The following GABRG3 variants were observed in gnomAD, a reference collection of about 807,000 sequenced individuals.
GABRG3 encodes gamma-aminobutyric acid receptor subunit gamma-3.
In GABRG3, 25 loss-of-function variants were observed where a neutral mutation model predicts 48.8. The observed-to-expected ratio is 0.51, with a 90% CI of 0.37 to 0.72. GABRG3 has a LOEUF of 0.72. Ranked by LOEUF, GABRG3 falls within the 30% of genes least tolerant of loss-of-function variation. The pLI, the probability that GABRG3 is intolerant of heterozygous loss-of-function variation, is 0.00. For synonymous variants in GABRG3, 227 were observed against 217.6 expected, an observed-to-expected ratio of 1.04 and a Z score of -0.38; for missense variants, 394 against 577.9, an observed-to-expected ratio of 0.68 and a Z score of 3.26.
At chr15:27,426,918 C>A (rs1168421387) in intron 5 of GABRG3, among the ~76,000 whole-genome samples, 2 of 152,110 alleles carry the variant, frequency 1.3e-5, no homozygotes, top group African/African-American at 4.8e-5. Flanking sequence ...GCTTTCAGTC[C>A]CATAAATTTT....
intron 3 of GABRG3, among the ~76,000 whole-genome samples, chr15:27,078,785 T>A (rs1896948892): frequency 2.0e-5 from 3 of 152,156 alleles, no homozygotes; most frequent in Non-Finnish European, 4.4e-5. Context: ...GCCAGTAAAG[T>A]GGTCAGTGTT....
intron 2 of GABRG3, among the ~76,000 whole-genome samples, chr15:27,018,423 A>G (rs1895817801): frequency 6.6e-6 from 1 of 152,198 alleles, no homozygotes; most frequent in East Asian, 1.9e-4. Context: ...AGTATATTTT[A>G]TATGAATGTG....
At chr15:27,157,948 A>G (rs1470830171) in intron 3 of GABRG3, 1 of 152,196 alleles carries the variant, frequency 6.6e-6, no homozygotes, top group East Asian at 1.9e-4. Context: ...ACTTTCCTGA[A>G]TGAAGTGGGT....
chr15:27,478,323 C>T (rs1890010308), intron 5 of GABRG3, among the ~76,000 whole-genome samples: 1 of 151,896 alleles, frequency 6.6e-6, no homozygotes, highest in African/African-American at 2.4e-5. Flanking sequence ...TAAAAACAAC[C>T]CAATTAAAAA....
chr15:27,225,264 A>G lies in GABRG3; in HGVS notation c.271-101545A>G, dbSNP rs1489395815. On this transcript the variant is annotated intron_variant, in intron 3 of 9. Transcript: ENST00000615808. ...CCTTGTCCTTCCCATGACAGTGCCC[A>G]TAAACTAAAGCACAGTTGCCTTCGC... 2.0e-5 allele frequency among the ~76,000 whole-genome samples: 3 copies of G among 152,120 alleles called. 1 individual carries two copies. The highest frequency in any genetic ancestry group is 4.8e-5 in the African/African-American group (2 of 41,388).
At chr15:27,507,048 T>A (rs1890778349) in intron 6 of GABRG3, among the ~76,000 whole-genome samples, 1 of 152,230 alleles carries the variant, frequency 6.6e-6, no homozygotes, top group African/African-American at 2.4e-5. Context: ...AAAATATTTT[T>A]AATTTCCCCT....
intron 5 of GABRG3, among the ~76,000 whole-genome samples, chr15:27,417,905 C>T (rs1322977580): frequency 6.6e-6 from 1 of 152,192 alleles, no homozygotes; most frequent in African/African-American, 2.4e-5. Context: ...GGACTAGTCC[C>T]TTAGCTTCCT....
At chr15:27,249,485 C>T (rs1197664290) in intron 3 of GABRG3, among the ~76,000 whole-genome samples, 1 of 152,196 alleles carries the variant, frequency 6.6e-6, no homozygotes, top group Non-Finnish European at 1.5e-5. Context: ...CTTAAATTTT[C>T]AGAGTACTGT....
chr15:27,424,715 G>A lies in GABRG3; in HGVS notation c.575-55935G>A, dbSNP rs531352353. ...ACTACAGACGCCTGCCACCACACCT[G>A]GCTAATTTTTGTATTTTTAGTAGAG... On this transcript the variant is annotated intron_variant, in intron 5 of 9. Coordinates refer to ENST00000615808, the MANE Select transcript of GABRG3 (RefSeq NM_033223.5). Among the ~76,000 whole-genome samples, 30 of 151,892 alleles carry A rather than the reference G, an allele frequency of 2.0e-4. 2 individuals carry two copies. Among genetic ancestry groups the A allele is most frequent in the Middle Eastern group, 6.8e-3 (2 of 294 alleles).
At chr15:27,291,229 T>C (rs1363423953) in intron 3 of GABRG3, among the ~76,000 whole-genome samples, 1 of 152,248 alleles carries the variant, frequency 6.6e-6, no homozygotes, top group Non-Finnish European at 1.5e-5. Context: ...CTGAGTATTC[T>C]AAAGTTAGAC....
chr15:27,420,698 A>G (rs1411233978), intron 5 of GABRG3: 3 of 152,228 alleles, frequency 2.0e-5, no homozygotes, highest in Non-Finnish European at 4.4e-5. Flanking sequence ...AAATCTGGAA[A>G]CGGTTATAAG....
chr15:27,430,717 C>T (rs193145790), intron 5 of GABRG3, among the ~76,000 whole-genome samples: 6 of 152,184 alleles, frequency 3.9e-5, no homozygotes, highest in East Asian at 1.9e-4. Flanking sequence ...AGGCTGGGCA[C>T]GGTGGCTGAC....
intron 3 of GABRG3, among the ~76,000 whole-genome samples, chr15:27,234,033 G>T (rs570502394): frequency 6.6e-6 from 1 of 152,136 alleles, no homozygotes; most frequent in Non-Finnish European, 1.5e-5. Context: ...GCTTTAGAGA[G>T]AAATATCCCC....
intron 3 of GABRG3, among the ~76,000 whole-genome samples, chr15:27,091,900 C>A (rs1366407247): frequency 6.6e-6 from 1 of 152,164 alleles, no homozygotes; most frequent in East Asian, 1.9e-4. Context: ...GGCAAACATT[C>A]CTTGGTTGTT....
chr15:26,974,707 C>A lies in GABRG3; in HGVS notation c.54-2295C>A, dbSNP rs1218007209. ...GATGCCCTTGCTGTGGAGTGATTTGCCCTGTCCCGTGGGCAGTGCTTGATT... is the reference window on the plus strand; with the variant it reads ...GATGCCCTTGCTGTGGAGTGATTTGACCTGTCCCGTGGGCAGTGCTTGATT... On this transcript the variant is annotated intron_variant, in intron 1 of 9. Coordinates refer to ENST00000615808, the MANE Select transcript of GABRG3 (RefSeq NM_033223.5). The surrounding 1 kb of genome is among the most constrained non-coding windows in gnomAD (Gnocchi z 4.3). Among the ~76,000 whole-genome samples, 1 of 152,038 alleles carries A rather than the reference C, an allele frequency of 6.6e-6. No homozygotes were observed. The highest frequency in any genetic ancestry group is 1.5e-5 in the Non-Finnish European group (1 of 68,010).
intron 5 of GABRG3, among the ~76,000 whole-genome samples, chr15:27,432,997 A>G (rs2140624721): frequency 6.6e-6 from 1 of 152,292 alleles, no homozygotes; most frequent in African/African-American, 2.4e-5. Context: ...GTCACCACCA[A>G]TATTTCTACC....
At chr15:27,046,551 G>A (rs1307811220) in intron 3 of GABRG3, among the ~76,000 whole-genome samples, 3 of 152,324 alleles carry the variant, frequency 2.0e-5, no homozygotes. Flanking sequence ...AGTGCTGTGC[G>A]CATCCCTTAC....
At chr15:27,306,658 G>GTTTATATATAAACATATACAATATA in intron 3 of GABRG3, among the ~76,000 whole-genome samples, 1 of 52,984 alleles carries the variant, frequency 1.9e-5, no homozygotes, top group African/African-American at 9.5e-5. Flanking sequence ...ACATATATAT[G>GTTTATATATAAACATATACAATATA]AACATGTTTA....
chr15:27,255,167 T>C (rs1295481886), intron 3 of GABRG3, among the ~76,000 whole-genome samples: 1 of 152,182 alleles, frequency 6.6e-6, no homozygotes, highest in Admixed American at 6.5e-5. Context: ...GGCAACAAGT[T>C]GCACTCCTCC....
Sources: allele counts gnomAD v4.1 joint callset (sites outside exome capture counted in the v4.1 genomes callset), GRCh38; gene constraint gnomAD v4.1.1; non-coding constraint Gnocchi (gnomAD v3.1); transcripts MANE v1.5; gene names NCBI Gene and HGNC (gene_info 2026-07-23, HGNC 2026-07-21).